Variants in PPP2R2B observed in about 807,000 individuals in gnomAD.
PPP2R2B encodes protein phosphatase 2 regulatory subunit Bbeta, also known as serine/threonine-protein phosphatase 2A 55 kDa regulatory subunit B beta isoform.
Under a neutral mutation model 46.0 loss-of-function variants are expected in PPP2R2B, and 5 were observed. The observed-to-expected ratio is 0.11, with a 90% CI of 0.06 to 0.23. PPP2R2B has a LOEUF of 0.23. Ranked by LOEUF, PPP2R2B falls within the 10% of genes least tolerant of loss-of-function variation. The pLI is 1.00. For synonymous variants in PPP2R2B, 215 were observed against 206.7 expected (o/e 1.04, Z -0.34); for missense variants, 367 against 575.0 (o/e 0.64, Z 3.70).
chr5:146,590,329 T>G, intron 9 of PPP2R2B, 103 bp from the exon 10 acceptor site: 2 of 1,303,826 alleles, frequency 1.5e-6, no homozygotes, highest in South Asian at 3.1e-5. Context: ...TAGGTTTTAT[T>G]AAAAACAAAA....
chr5:146,756,454 A>G (rs1454199008), intron 2 of PPP2R2B, among the ~76,000 whole-genome samples: 1 of 152,080 alleles, frequency 6.6e-6, no homozygotes, highest in African/African-American at 2.4e-5. Flanking sequence ...AGGTTTCTTC[A>G]TTTTCCCCAT....
At chr5:146,918,230 A>G (rs960288869) in intron 1 of PPP2R2B, 12 of 152,314 alleles carry the variant, frequency 7.9e-5, no homozygotes, top group African/African-American at 2.6e-4. Context: ...GAGGAAGAAT[A>G]TATATGAAGG....
chr5:146,878,640 G>C lies in PPP2R2B; in HGVS notation c.-174C>G, dbSNP rs950813035. The C allele has an allele frequency of 4.5e-5, 56 of 1,254,442 alleles. No homozygotes were observed. The highest frequency in any genetic ancestry group is 5.6e-5 in the Non-Finnish European group (54 of 971,498). 77.7% of individuals were successfully genotyped at this position (1,254,442 alleles called of 1,614,324 possible). A position where few individuals can be genotyped will look rare whatever the true frequency, so the allele number is the denominator to read the frequency against. On this transcript the variant is annotated 5_prime_UTR_variant, in exon 1 of 10. Transcript: ENST00000394411. This position sits in a 1 kb window ranked among gnomAD's most constrained non-coding sequence, Gnocchi z 4.5. ...CCACGGGAGGGCGGCTCCGGCAGGC[G>C]GGGGTAGGGAAGCTGGCGGGGAGCT...
intron 1 of PPP2R2B, among the ~76,000 whole-genome samples, chr5:147,023,449 T>A (rs1031496570): frequency 6.6e-6 from 1 of 152,110 alleles, no homozygotes; most frequent in African/African-American, 2.4e-5. Flanking sequence ...ATTGACAGAT[T>A]GGATAAAAAT....
At chr5:146,859,405 G>T (rs983884) in intron 2 of PPP2R2B, among the ~76,000 whole-genome samples, 27,099 of 152,082 alleles carry the variant, frequency 0.18, 2,881 homozygotes, top group East Asian at 0.35. Context: ...TAATTTAAAA[G>T]CAAGAGGAAG....
At chr5:146,658,483 C>T (rs866049006) in intron 5 of PPP2R2B, among the ~76,000 whole-genome samples, 17 of 152,242 alleles carry the variant, frequency 1.1e-4, no homozygotes, top group Middle Eastern at 6.8e-3. Context: ...CTATAAATAT[C>T]CTAATTCCAA....
intron 1 of PPP2R2B, among the ~76,000 whole-genome samples, chr5:146,946,754 T>G (rs1267878344): frequency 6.6e-6 from 1 of 152,022 alleles, no homozygotes; most frequent in Non-Finnish European, 1.5e-5. Context: ...CTACTGTAAA[T>G]GCTCAATTCA....
chr5:146,738,974 A>G (rs1752707403), intron 2 of PPP2R2B, among the ~76,000 whole-genome samples: 1 of 152,152 alleles, frequency 6.6e-6, no homozygotes, highest in African/African-American at 2.4e-5. Context: ...CATACATTGT[A>G]ATATAATGCA....
At chr5:146,712,277 G>A (rs1780253903) in intron 2 of PPP2R2B, among the ~76,000 whole-genome samples, 2 of 152,156 alleles carry the variant, frequency 1.3e-5, no homozygotes, top group Admixed American at 6.5e-5. Context: ...TTTCTGGCTA[G>A]GAGTTGTGGT....
intron 2 of PPP2R2B, among the ~76,000 whole-genome samples, chr5:146,740,902 A>G (rs1353289284): frequency 6.6e-6 from 1 of 152,114 alleles, no homozygotes; most frequent in African/African-American, 2.4e-5. Context: ...GGAACACATT[A>G]AAAATGCAGA....
intron 2 of PPP2R2B, among the ~76,000 whole-genome samples, chr5:146,702,056 TAAAAAAAAAA>T (rs3062308): frequency 7.7e-6 from 1 of 129,992 alleles, no homozygotes; most frequent in Non-Finnish European, 1.6e-5. Flanking sequence ...GCAAATGAGT[TAAAAAAAAAA>T]AAAAAAAAAG....
At chr5:146,823,144 G>T (rs189139561) in intron 2 of PPP2R2B, among the ~76,000 whole-genome samples, 14 of 152,254 alleles carry the variant, frequency 9.2e-5, no homozygotes, top group Admixed American at 7.8e-4. Context: ...TCATCTGACA[G>T]CCTGCATATC....
upstream of PPP2R2B, among the ~76,000 whole-genome samples, chr5:147,060,480 T>A (rs566932131): frequency 6.6e-6 from 1 of 151,966 alleles, no homozygotes; most frequent in South Asian, 2.1e-4. Context: ...TACAGAAAAT[T>A]ATCCAGGTGT....
chr5:146,640,141 T>A (rs1328105599), intron 6 of PPP2R2B, among the ~76,000 whole-genome samples: 3 of 152,194 alleles, frequency 2.0e-5, no homozygotes, highest in Non-Finnish European at 4.4e-5. Flanking sequence ...CATTCCAACA[T>A]GCAATTTGTT....
At chr5:146,896,303 C>T (rs921321873) in intron 1 of PPP2R2B, among the ~76,000 whole-genome samples, 1 of 152,146 alleles carries the variant, frequency 6.6e-6, no homozygotes, top group Non-Finnish European at 1.5e-5. Flanking sequence ...CACCATCACC[C>T]TGAAGGAGGT....
intron 2 of PPP2R2B, among the ~76,000 whole-genome samples, chr5:146,752,077 G>A (rs999340055): frequency 6.6e-6 from 1 of 152,128 alleles, no homozygotes; most frequent in African/African-American, 2.4e-5. Context: ...ACAGAGAACA[G>A]ATGGTGGATA....
At chr5:147,009,904 T>C (rs1197509194) in intron 1 of PPP2R2B, among the ~76,000 whole-genome samples, 1 of 149,712 alleles carries the variant, frequency 6.7e-6, no homozygotes, top group South Asian at 2.1e-4. Flanking sequence ...CACACATATA[T>C]ATATAGGACC....
intron 2 of PPP2R2B, among the ~76,000 whole-genome samples, chr5:146,843,931 A>G (rs974975634): frequency 6.6e-6 from 1 of 151,842 alleles, no homozygotes; most frequent in Non-Finnish European, 1.5e-5. Flanking sequence ...GTGTCTTTAT[A>G]GCAGCATGAT....
chr5:146,650,495 C>T, intron 6 of PPP2R2B, 52 bp downstream of exon 6: 1 of 1,546,142 alleles, frequency 6.5e-7, no homozygotes, highest in Non-Finnish European at 8.8e-7. Context: ...CCACTCGCAC[C>T]TGAATACTCT....
Sources: gnomAD v4.1 joint callset for allele counts (sites outside exome capture counted in the v4.1 genomes callset) on GRCh38, gnomAD v4.1.1 for gene constraint, Gnocchi (gnomAD v3.1) non-coding constraint, MANE v1.5 for transcripts, NCBI Gene and HGNC (gene_info 2026-07-23, HGNC 2026-07-21) for gene names.